The following NIT2 variants were observed in gnomAD, a reference collection of about 807,000 sequenced individuals.
The protein encoded by NIT2 is nitrilase family member 2.
A neutral mutation model predicts 42.7 loss-of-function variants in NIT2; 46 were observed. The observed-to-expected ratio is 1.08, with a 90% CI of 0.85 to 1.38. The LOEUF (loss-of-function observed/expected upper bound fraction) is 1.38, where lower values mean the gene tolerates loss of function less well. Ranked by LOEUF, NIT2 falls within the 40% of genes most tolerant of loss-of-function variation. The probability of loss-of-function intolerance (pLI) is 0.00; values close to 1 mark genes in which losing one functional copy is unlikely to be tolerated. For missense variants in NIT2, 309 were observed against 342.5 expected (o/e 0.90, Z 0.77); for synonymous variants, 123 against 121.9 (o/e 1.01, Z -0.06).
intron 6 of NIT2, among the ~76,000 whole-genome samples, 172 bp downstream of exon 6, chr3:100,346,427 G>C (rs1002182915): frequency 6.6e-6 from 1 of 152,126 alleles, no homozygotes; most frequent in African/African-American, 2.4e-5. Context: ...GGATGACAGG[G>C]TTTTTGGGGG....
chr3:100,339,752 C>T, intron 2 of NIT2, 63 bp from the exon 3 acceptor site: 4 of 1,537,756 alleles, frequency 2.6e-6, no homozygotes, highest in Non-Finnish European at 3.5e-6. Flanking sequence ...TGGCCTCTTA[C>T]AGCAGAACTT....
At chr3:100,345,753 T>C in intron 5 of NIT2, 75 bp downstream of exon 5, 3 of 899,834 alleles carry the variant, frequency 3.3e-6, no homozygotes, top group Middle Eastern at 2.6e-4. Context: ...TTTTTGTCTC[T>C]CTCCGATTTC....
chr3:100,355,075 T>C (rs1706312902), intron 9 of NIT2, 102 bp from the exon 10 acceptor site: 1 of 858,676 alleles, frequency 1.2e-6, no homozygotes, highest in Admixed American at 2.2e-5. Context: ...GTTACTAAGT[T>C]ACTTACTAAG....
intron 1 of NIT2, 85 bp downstream of exon 1, chr3:100,334,883 C>T (rs1706049486): frequency 6.8e-6 from 8 of 1,182,606 alleles, no homozygotes; most frequent in Non-Finnish European, 7.4e-6. Context: ...TCGGCCGGCT[C>T]AGCCCCTCCG....
At chr3:100,347,361 G>C (rs1477996280) in intron 6 of NIT2, among the ~76,000 whole-genome samples, 9 of 152,224 alleles carry the variant, frequency 5.9e-5, no homozygotes, top group African/African-American at 2.2e-4. Context: ...CTCCCAAAGT[G>C]CTGGGATTAC....
At chr3:100,340,664 A>C (rs891223718) in intron 3 of NIT2, among the ~76,000 whole-genome samples, 9 of 143,124 alleles carry the variant, frequency 6.3e-5, no homozygotes, top group Non-Finnish European at 4.8e-5. Context: ...GTTTTGTTGC[A>C]GAACCTGGTG....
chr3:100,336,197 C>T lies in NIT2; in HGVS notation c.7+1399C>T, dbSNP rs146750243. Among the ~76,000 whole-genome samples, 491 of 152,262 alleles carry T rather than the reference C, an allele frequency of 3.2e-3. 3 individuals carry two copies. The highest frequency in any genetic ancestry group is 0.011 in the African/African-American group (462 of 41,546). On this transcript the variant is annotated intron_variant, in intron 1 of 9. Coordinates refer to ENST00000394140, the MANE Select transcript of NIT2 (RefSeq NM_020202.5). ...GCCTTCATCAGAGGCCAGGGTTTGTCATTGTTGCCTTTTCTGGAGACATTT... is the reference window on the plus strand; with the variant it reads ...GCCTTCATCAGAGGCCAGGGTTTGTTATTGTTGCCTTTTCTGGAGACATTT...
intron 9 of NIT2, 107 bp downstream of exon 9, chr3:100,354,934 C>A: frequency 1.1e-6 from 1 of 930,460 alleles, no homozygotes; most frequent in Non-Finnish European, 1.7e-6. Flanking sequence ...CTTTATGCCC[C>A]TTCTCATTGA....
intron 8 of NIT2, among the ~76,000 whole-genome samples, chr3:100,353,921 G>A (rs1706299178): frequency 1.3e-5 from 2 of 152,008 alleles, no homozygotes; most frequent in Admixed American, 6.6e-5. Context: ...GATTACAGGT[G>A]CACACCACCA....
rs1480636692 is a variant in NIT2, at chr3:100,358,378, G to A, written c.*3110G>A. The stretch of plus-strand genomic sequence containing the variant: ...TAACTGCCATACCCCTGTACTCCCC[G>A]ACTTTCTAATGAATTAGACAATGAT... On this transcript the variant is annotated 3_prime_UTR_variant, in exon 10 of 10. Transcript: ENST00000394140. 1.3e-5 allele frequency: 2 copies of A among 152,106 alleles called. No individual in the cohort carries two copies. The highest frequency in any genetic ancestry group is 2.9e-5 in the Non-Finnish European group (2 of 68,024). The allele number at this position is 152,106 out of a possible 1,614,324, so 9.4% of individuals were successfully genotyped here.
chr3:100,338,005 A>G (rs566787776), intron 1 of NIT2, among the ~76,000 whole-genome samples: 161 of 152,314 alleles, frequency 1.1e-3, no homozygotes, highest in Middle Eastern at 6.8e-3. Flanking sequence ...GAGTAGGTCA[A>G]GGCTGCAGTG....
chr3:100,342,625 A>G (rs1706168927), intron 4 of NIT2, among the ~76,000 whole-genome samples: 1 of 152,110 alleles, frequency 6.6e-6, no homozygotes, highest in Non-Finnish European at 1.5e-5. Flanking sequence ...GAAATTTAAG[A>G]ACCTTATAAT....
chr3:100,352,192 G>A (rs1706281601), intron 7 of NIT2, among the ~76,000 whole-genome samples: 1 of 152,242 alleles, frequency 6.6e-6, no homozygotes, highest in Non-Finnish European at 1.5e-5. Flanking sequence ...CCTTGTGGAA[G>A]TCAGTGTGGT....
At chr3:100,335,470 A>G (rs912891088) in intron 1 of NIT2, among the ~76,000 whole-genome samples, 18 of 152,262 alleles carry the variant, frequency 1.2e-4, no homozygotes, top group African/African-American at 3.4e-4. Context: ...TATGATGAAT[A>G]TTAGGGCAGC....
intron 1 of NIT2, chr3:100,335,168 C>T (rs1706054378): frequency 3.9e-6 from 1 of 259,492 alleles, no homozygotes; most frequent in African/African-American, 2.3e-5. Context: ...CCAGCCCCGC[C>T]CTGCACAAAG....
At position 100,352,509 on chromosome 3, in the gene NIT2, A is replaced by G. The variant is rs1187119757; in HGVS notation, c.683+7A>G. 1.2e-6 allele frequency: 2 copies of G among 1,608,540 alleles called. No individual in the cohort carries two copies. Among genetic ancestry groups the G allele is most frequent in the East Asian group, 4.5e-5 (2 of 44,772 alleles). Reference sequence around the variant, plus strand: ...GCACCGTGGTGAACCCTTGGTGAGTAAGGCTAAGTGAGAATAGGCTCAGTC... The same window carrying G: ...GCACCGTGGTGAACCCTTGGTGAGTGAGGCTAAGTGAGAATAGGCTCAGTC... On this transcript the variant is annotated splice_region_variant and intron_variant, in intron 8 of 9. Transcript: ENST00000394140.
At chr3:100,350,655 C>T (rs565939277) in intron 7 of NIT2, among the ~76,000 whole-genome samples, 6 of 152,260 alleles carry the variant, frequency 3.9e-5, no homozygotes, top group Admixed American at 2.6e-4. Context: ...TCCTTAGTCA[C>T]GACAGTCAGG....
intron 5 of NIT2, 74 bp downstream of exon 5, chr3:100,345,752 C>T: frequency 1.1e-6 from 1 of 927,012 alleles, no homozygotes; most frequent in Non-Finnish European, 1.7e-6. Context: ...TTTTTTGTCT[C>T]TCTCCGATTT....
At position 100,345,758 on chromosome 3, in the gene NIT2, G is replaced by A. The variant is rs73862460; in HGVS notation, c.430+80G>A. The stretch of plus-strand genomic sequence containing the variant: ...ATTTATTTCTTTTTTGTCTCTCTCC[G>A]ATTTCTTCACATAACCTAACTGAAA... On this transcript the variant is annotated intron_variant, in intron 5 of 9. Transcript: ENST00000394140. 4,260 of 874,366 alleles carry A rather than the reference G, an allele frequency of 4.9e-3. 100 individuals carry two copies. The African/African-American group carries it at 0.054, about 11-fold the overall frequency. 54.2% of individuals were successfully genotyped at this position (874,366 alleles called of 1,614,324 possible).
Sources: gnomAD v4.1 joint callset for allele counts (sites outside exome capture counted in the v4.1 genomes callset) on GRCh38, gnomAD v4.1.1 for gene constraint, MANE v1.5 for transcripts, NCBI Gene and HGNC (gene_info 2026-07-23, HGNC 2026-07-21) for gene names.